MICU1: variants seen among roughly 807,000 people sequenced by gnomAD.
The protein encoded by MICU1 is mitochondrial calcium uptake 1.
Under a neutral mutation model 56.8 loss-of-function variants are expected in MICU1, and 45 were observed. That is an observed-to-expected ratio of 0.79 (90% confidence interval 0.62 to 1.02). The LOEUF is 1.02. Among genes scored for constraint, MICU1 ranks in the 50% least tolerant of loss-of-function variants. MICU1 has a pLI of 0.00. For missense variants in MICU1, 504 were observed against 587.1 expected (o/e 0.86, Z 1.46); for synonymous variants, 186 against 195.1 (o/e 0.95, Z 0.39).
intron 6 of MICU1, among the ~76,000 whole-genome samples, chr10:72,504,296 A>C (rs1867172728): frequency 6.6e-6 from 1 of 152,220 alleles, no homozygotes. Flanking sequence ...CCAATGGAAT[A>C]GAACAGAAAA....
At chr10:72,496,024 T>C (rs1448039496) in intron 6 of MICU1, among the ~76,000 whole-genome samples, 2 of 152,026 alleles carry the variant, frequency 1.3e-5, no homozygotes, top group Admixed American at 6.6e-5. Context: ...TAGAGTGCAG[T>C]GGTGTGATCT....
intron 6 of MICU1, among the ~76,000 whole-genome samples, chr10:72,484,060 T>C (rs1482169195): frequency 6.6e-6 from 1 of 152,194 alleles, no homozygotes; most frequent in African/African-American, 2.4e-5. Context: ...AAGAGTAAAT[T>C]AGACTACTTC....
intron 3 of MICU1, among the ~76,000 whole-genome samples, chr10:72,562,245 C>A (rs1840317972): frequency 6.7e-6 from 1 of 150,022 alleles, no homozygotes; most frequent in African/African-American, 2.4e-5. Flanking sequence ...CCTCCACCTC[C>A]CGGGTTCAAG....
intron 8 of MICU1, chr10:72,473,364 A>G (rs1866006409): frequency 1.3e-5 from 2 of 152,318 alleles, no homozygotes; most frequent in African/African-American, 4.8e-5. Context: ...ACAATAACCA[A>G]TATGGCAGTC....
At chr10:72,619,708 A>C (rs1267717638) in intron 1 of MICU1, among the ~76,000 whole-genome samples, 1 of 152,224 alleles carries the variant, frequency 6.6e-6, no homozygotes, top group Non-Finnish European at 1.5e-5. Flanking sequence ...AAGAAGGAAA[A>C]TAACCACCTG....
In MICU1 at chr10:72,368,093, G is replaced by A. The variant is rs1028510282; in HGVS notation, c.*102C>T. 3.2e-5 allele frequency: 40 copies of A among 1,255,058 alleles called. No homozygotes were observed. The highest frequency in any genetic ancestry group is 4.4e-5 in the Non-Finnish European group (40 of 906,346). 77.7% of individuals were successfully genotyped at this position (1,255,058 alleles called of 1,614,324 possible). ...GTCCTGAGGTCATCCCGGGAGGAAG[G>A]GGGACTACTTCCAGAAGCAGCAGCA... is the stretch of plus-strand genomic sequence containing the variant. On this transcript the variant is annotated 3_prime_UTR_variant, in exon 12 of 12. Transcript: ENST00000361114.
chr10:72,520,083 C>A (rs1867771448), intron 5 of MICU1, among the ~76,000 whole-genome samples: 1 of 152,094 alleles, frequency 6.6e-6, no homozygotes, highest in Admixed American at 6.6e-5. Flanking sequence ...ACATCAAAAA[C>A]AAATTAATGA....
chr10:72,584,448 A>G (rs1270298048), intron 1 of MICU1, among the ~76,000 whole-genome samples: 1 of 152,266 alleles, frequency 6.6e-6, no homozygotes, highest in African/African-American at 2.4e-5. Flanking sequence ...TAATGTGTTC[A>G]GATCATAAAT....
At chr10:72,450,866 A>G (rs1366496127) in intron 8 of MICU1, among the ~76,000 whole-genome samples, 1 of 150,902 alleles carries the variant, frequency 6.6e-6, no homozygotes, top group African/African-American at 2.4e-5. Flanking sequence ...CTGGGATTAC[A>G]GCTGTGCACC....
At chr10:72,557,058 T>G (rs1409524989) in intron 3 of MICU1, among the ~76,000 whole-genome samples, 6 of 151,930 alleles carry the variant, frequency 3.9e-5, no homozygotes, top group Admixed American at 3.3e-4. Flanking sequence ...AGAGCAAGAC[T>G]TCATCCCAAA....
chr10:72,475,542 C>T (rs1866092092), intron 7 of MICU1, among the ~76,000 whole-genome samples: 1 of 151,946 alleles, frequency 6.6e-6, no homozygotes, highest in South Asian at 2.1e-4. Flanking sequence ...AATTCTCATG[C>T]CTCAGCCTCC....
Position 72,423,240 on chromosome 10 carries a change from T to G in MICU1, c.1065A>C (p.Glu355Asp). 6.2e-7 allele frequency: 1 copy of G among 1,612,898 alleles called. No homozygotes were observed. The highest frequency in any genetic ancestry group is 8.5e-7 in the Non-Finnish European group (1 of 1,179,450). Reference sequence around the variant, plus strand: ...TCCAGCCAAAGCTACCTACCTTTCCTTCTTTGAAGTGCTTCTTGAGCTGCC... The same window carrying G: ...TCCAGCCAAAGCTACCTACCTTTCCGTCTTTGAAGTGCTTCTTGAGCTGCC... ...MQRQLKKHFK[E>D]GKGLTFQEVE... The change falls in exon 9 of 12, where the codon GAA (glutamate) becomes GAC (aspartate). Residue 355 changes from glutamate to aspartate, a missense_variant. By Grantham distance (45) the Glu-to-Asp change is conservative. Transcript: ENST00000361114.
intron 4 of MICU1, among the ~76,000 whole-genome samples, chr10:72,545,188 A>C (rs1839868087): frequency 6.6e-6 from 1 of 152,168 alleles, no homozygotes; most frequent in Non-Finnish European, 1.5e-5. Flanking sequence ...ATTCCTGTTC[A>C]TGAGCAAATG....
At chr10:72,595,842 A>G (rs1014546782) in intron 1 of MICU1, among the ~76,000 whole-genome samples, 1 of 152,136 alleles carries the variant, frequency 6.6e-6, no homozygotes, top group African/African-American at 2.4e-5. Context: ...GGATGAAAAC[A>G]TTCTAGGCCA....
At chr10:72,556,362 CAG>C (rs1371542765) in intron 3 of MICU1, among the ~76,000 whole-genome samples, 10 of 151,812 alleles carry the variant, frequency 6.6e-5, no homozygotes, top group Non-Finnish European at 1.2e-4. Context: ...TCTTTTGAGA[CAG>C]AGTTTCACTC....
In MICU1 at chr10:72,437,008, C is replaced by A. The variant is rs188191985; in HGVS notation, c.934-13637G>T. On this transcript the variant is annotated intron_variant, in intron 8 of 11. Transcript: ENST00000361114. ...ATCCAGGAGAACTTCCCCAACCTAG[C>A]AAGGCAGGCCAACATTCAAATTCAG... is the stretch of plus-strand genomic sequence containing the variant. Among the ~76,000 whole-genome samples, 420 of 152,268 alleles carry A rather than the reference C, an allele frequency of 2.8e-3. 3 individuals are homozygous for A. Among genetic ancestry groups the A allele is most frequent in the African/African-American group, 9.8e-3 (407 of 41,562 alleles).
intron 5 of MICU1, chr10:72,532,975 AC>A (rs1464282239): frequency 9.4e-6 from 12 of 1,278,496 alleles, no homozygotes; most frequent in Non-Finnish European, 1.2e-5. Flanking sequence ...CCCCATCTAG[AC>A]CCTCTTTTGT....
At chr10:72,456,849 TTGTGTGTGTG>T (rs56262647) in intron 8 of MICU1, among the ~76,000 whole-genome samples, 3,435 of 134,500 alleles carry the variant, frequency 0.026, 211 homozygotes, top group African/African-American at 0.089. Context: ...CGGGCTCATT[TTGTGTGTGTG>T]TGTGTGTGTG....
intron 5 of MICU1, among the ~76,000 whole-genome samples, chr10:72,512,101 T>G (rs1425824470): frequency 1.2e-5 from 1 of 81,280 alleles, no homozygotes; most frequent in Non-Finnish European, 2.4e-5. Flanking sequence ...TACACAGTTG[T>G]TTTTTGTTTT....
Sources: allele counts gnomAD v4.1 joint callset (sites outside exome capture counted in the v4.1 genomes callset), GRCh38; gene constraint gnomAD v4.1.1; transcripts MANE v1.5; gene names NCBI Gene and HGNC (gene_info 2026-07-23, HGNC 2026-07-21).